The following TUT4 variants were observed in gnomAD, a reference collection of about 807,000 sequenced individuals.
TUT4 encodes the protein terminal uridylyltransferase 4.
TUT4 carries 36 observed loss-of-function variants against 192.2 expected under a neutral mutation model. The ratio of observed to expected loss-of-function variants is 0.19; its 90% confidence interval spans 0.14 to 0.25. The LOEUF is 0.25. TUT4 is among the 10% of genes least tolerant of loss of function. The pLI, the probability that TUT4 is intolerant of heterozygous loss-of-function variation, is 1.00. For missense variants in TUT4, 1,493 were observed against 1,957.2 expected, an observed-to-expected ratio of 0.76 and a Z score of 4.47; for synonymous variants, 618 against 666.0, an observed-to-expected ratio of 0.93 and a Z score of 1.11.
At chr1:52,520,561 C>T (rs1026250068) in intron 2 of TUT4, among the ~76,000 whole-genome samples, 3 of 152,040 alleles carry the variant, frequency 2.0e-5, no homozygotes, top group Admixed American at 2.0e-4. Flanking sequence ...AATATGAATC[C>T]CAAACAATTC....
chr1:52,473,634 C>T (rs1208443885), intron 13 of TUT4, among the ~76,000 whole-genome samples: 1 of 152,062 alleles, frequency 6.6e-6, no homozygotes, highest in Non-Finnish European at 1.5e-5. Flanking sequence ...TTAGGTTAAA[C>T]ATCTTAAAGC....
chr1:52,485,419 T>G (rs1285271802), intron 9 of TUT4, among the ~76,000 whole-genome samples: 7 of 152,170 alleles, frequency 4.6e-5, no homozygotes, highest in Non-Finnish European at 1.0e-4. Flanking sequence ...AGAGATAATT[T>G]TATACTTTTC....
intron 1 of TUT4, among the ~76,000 whole-genome samples, chr1:52,528,506 A>C (rs1387536737): frequency 6.6e-6 from 1 of 151,788 alleles, no homozygotes; most frequent in Non-Finnish European, 1.5e-5. Context: ...AAAAAAAAAA[A>C]AGTGATTTTA....
At chr1:52,506,881 G>A (rs1292311007) in intron 4 of TUT4, among the ~76,000 whole-genome samples, 1 of 152,158 alleles carries the variant, frequency 6.6e-6, no homozygotes, top group African/African-American at 2.4e-5. Flanking sequence ...TTTTTTCAGT[G>A]ATGAGTATTT....
chr1:52,438,171 G>T, intron 25 of TUT4, 49 bp downstream of exon 25: 1 of 1,387,698 alleles, frequency 7.2e-7, no homozygotes, highest in Non-Finnish European at 1.0e-6. Context: ...CTACAAATTG[G>T]CCTCTCATTT....
chr1:52,541,379 A>C (rs1214940524), intron 1 of TUT4, among the ~76,000 whole-genome samples: 1 of 151,992 alleles, frequency 6.6e-6, no homozygotes, highest in Non-Finnish European at 1.5e-5. Context: ...TAAAAATACA[A>C]AAATTAGCTG....
At position 52,549,670 on chromosome 1, in the gene TUT4, CATTAT is replaced by C. The variant is rs1202625518; in HGVS notation, c.-94+3256_-94+3260del. Among the ~76,000 whole-genome samples the C allele has an allele frequency of 7.2e-5, 11 of 152,126 alleles. No homozygotes were observed. The South Asian group carries it at 2.3e-3, about 31-fold the overall frequency. On this transcript the variant is annotated intron_variant, in intron 1 of 29. Coordinates refer to ENST00000257177, the MANE Select transcript of TUT4 (RefSeq NM_001009881.3). The stretch of plus-strand genomic sequence containing the variant: ...CACCTGAAAAGCAACATCACATATA[CATTAT>C]ATTAGGAAGAGAGATCTGCTTTGAA...
intron 24 of TUT4, among the ~76,000 whole-genome samples, chr1:52,442,794 A>G (rs1656064503): frequency 6.6e-6 from 1 of 152,220 alleles, no homozygotes; most frequent in Non-Finnish European, 1.5e-5. Flanking sequence ...TTTGAAAGAG[A>G]ATAAAATAAA....
intron 4 of TUT4, among the ~76,000 whole-genome samples, chr1:52,498,968 T>C (rs1673353721): frequency 1.9e-5 from 2 of 106,094 alleles, no homozygotes; most frequent in African/African-American, 3.8e-5. Flanking sequence ...ATGACATTTT[T>C]CACAGAAATA....
At chr1:52,520,941 C>T (rs183205841) in intron 2 of TUT4, among the ~76,000 whole-genome samples, 2 of 152,154 alleles carry the variant, frequency 1.3e-5, no homozygotes, top group Non-Finnish European at 2.9e-5. Flanking sequence ...TACAGGCACA[C>T]GCCACCATAC....
At chr1:52,436,100 T>C (rs1168288846) in intron 26 of TUT4, among the ~76,000 whole-genome samples, 1 of 152,150 alleles carries the variant, frequency 6.6e-6, no homozygotes, top group Non-Finnish European at 1.5e-5. Flanking sequence ...ATAACAGCAG[T>C]GGGAAGAAAT....
At chr1:52,490,342 G>A (rs1286967507) in intron 8 of TUT4, among the ~76,000 whole-genome samples, 1 of 151,408 alleles carries the variant, frequency 6.6e-6, no homozygotes, top group Non-Finnish European at 1.5e-5. Flanking sequence ...TTTTTGTGGA[G>A]ACAAGGTCTC....
At chr1:52,430,857 AGTCT>A (rs1651843223) in intron 28 of TUT4, among the ~76,000 whole-genome samples, 152 bp downstream of exon 28, 1 of 152,244 alleles carries the variant, frequency 6.6e-6, no homozygotes, top group Non-Finnish European at 1.5e-5. Context: ...AAATCCAGGC[AGTCT>A]GAGTCCAGAG....
chr1:52,451,933 A>G (rs1659548417), intron 20 of TUT4, among the ~76,000 whole-genome samples: 1 of 152,018 alleles, frequency 6.6e-6, no homozygotes, highest in African/African-American at 2.4e-5. Context: ...AAACTGAATC[A>G]ATAATTAATA....
At chr1:52,428,284 G>A (rs955982923) in intron 28 of TUT4, among the ~76,000 whole-genome samples, 3 of 151,728 alleles carry the variant, frequency 2.0e-5, no homozygotes, top group Non-Finnish European at 2.9e-5. Flanking sequence ...TCAAGAGATC[G>A]AGACCATCCT....
chr1:52,481,531 T>C lies in TUT4; in HGVS notation c.1740A>G (p.Lys580=). 1 of 1,613,990 alleles carries C rather than the reference T, an allele frequency of 6.2e-7. No individual in the cohort carries two copies. The highest frequency in any genetic ancestry group is 8.5e-7 in the Non-Finnish European group (1 of 1,179,976). ...WECNSSSATE[K]NSIAEENKAK... ...CTTTGTTTTCCTCAGCAATTGAGTT[T>C]TTCTCAGTTGCACTACTTGAATTAC... Residue 580 remains lysine, a synonymous_variant, in exon 11 of 30, where the codon AAA becomes AAG. Transcript: ENST00000257177.
At chr1:52,424,267 C>A in intron 29 of TUT4, 1 of 443,358 alleles carries the variant, frequency 2.3e-6, no homozygotes, top group East Asian at 4.2e-5. Context: ...AGACTCTCCC[C>A]TCCTAAAAGG....
rs980167420 is a variant in TUT4, at chr1:52,525,847, C to A, written c.434G>T (p.Ser145Ile). The A allele has an allele frequency of 6.2e-7, 1 of 1,614,000 alleles. No homozygotes were observed. Among genetic ancestry groups the A allele is most frequent in the South Asian group, 1.1e-5 (1 of 91,080 alleles). ...TACTTTTTCTGACTTCATCTGATAA[C>A]TGGATGCTTTTTCTGCTTTCACTGA... Reference protein sequence around the residue: ...PNSVKAEKASSYQMKSEKVPS... With the variant: ...PNSVKAEKASIYQMKSEKVPS... The change falls in exon 2 of 30, where the codon AGT becomes ATT. Residue 145 changes from serine (S) to isoleucine (I), a missense_variant. Around this residue, in one of 7 missense-constraint regions of TUT4, gnomAD observed 260 missense variants for 247.8 expected, o/e 1.05. Transcript: ENST00000257177.
At chr1:52,471,234 C>G (rs1665692056) in intron 14 of TUT4, among the ~76,000 whole-genome samples, 1 of 152,072 alleles carries the variant, frequency 6.6e-6, no homozygotes, top group Non-Finnish European at 1.5e-5. Context: ...CCAGGCTGGT[C>G]TCGAACTCCT....
Sources: allele counts gnomAD v4.1 joint callset (sites outside exome capture counted in the v4.1 genomes callset), GRCh38; gene constraint gnomAD v4.1.1; regional missense constraint gnomAD v4.1.1; transcripts MANE v1.5; gene names NCBI Gene and HGNC (gene_info 2026-07-23, HGNC 2026-07-21).